Variants in C11orf21 observed in about 807,000 individuals in gnomAD.
The protein encoded by C11orf21 is uncharacterized protein C11orf21.
A neutral mutation model predicts 15.2 loss-of-function variants in C11orf21; 19 were observed. The ratio of observed to expected loss-of-function variants is 1.25; its 90% CI spans 0.87 to 1.84. The LOEUF (loss-of-function observed/expected upper bound fraction) is 1.84, where lower values mean the gene tolerates loss of function less well. Ranked by LOEUF, C11orf21 falls within the 40% of genes most tolerant of loss-of-function variation. The pLI, the probability that C11orf21 is intolerant of heterozygous loss-of-function variation, is 0.00. For missense variants in C11orf21, 171 were observed against 174.4 expected (o/e 0.98, Z 0.11); for synonymous variants, 62 against 66.8 (o/e 0.93, Z 0.35).
At chr11:2,302,346 G>T, upstream of C11orf21, 3 of 1,039,006 alleles carry the variant, frequency 2.9e-6, no homozygotes, top group Non-Finnish European at 3.9e-6. Context: ...TCCTGCCCTT[G>T]CAGACATGTG....
At chr11:2,302,583 G>A (rs1847819592), upstream of C11orf21, 15 of 559,974 alleles carry the variant, frequency 2.7e-5, no homozygotes, top group South Asian at 3.0e-4. Context: ...TAGACACAAT[G>A]ATCAGAGGTC....
upstream of C11orf21, chr11:2,302,029 A>T: frequency 6.7e-7 from 1 of 1,493,190 alleles, no homozygotes; most frequent in Non-Finnish European, 8.9e-7. Context: ...ATGTTGACAG[A>T]CAGACAGAGG....
upstream of C11orf21, chr11:2,302,112 G>A (rs1370266506): frequency 3.4e-6 from 5 of 1,485,208 alleles, no homozygotes; most frequent in Admixed American, 2.5e-5. Context: ...CCACAGGGAG[G>A]GGAAGGGAGG....
upstream of C11orf21, chr11:2,302,874 ACT>A: frequency 1.9e-6 from 3 of 1,613,066 alleles, no homozygotes; most frequent in African/African-American, 1.3e-5. Flanking sequence ...CACCATGGTG[ACT>A]CTTACCTACT....
chr11:2,302,271 G>A, upstream of C11orf21: 3 of 1,339,302 alleles, frequency 2.2e-6, no homozygotes, highest in Non-Finnish European at 2.9e-6. Flanking sequence ...AGGGGTGAGG[G>A]GTGGCAGGGC....
rs958062976 is a variant in C11orf21 at position 2,296,291 on chromosome 11, G to T, written c.*1659C>A. 1.3e-5 allele frequency: 2 copies of T among 152,200 alleles called. No individual in the cohort carries two copies. The highest frequency in any genetic ancestry group is 4.8e-5 in the African/African-American group (2 of 41,432). The allele number at this position is 152,200 out of a possible 1,614,324, so 9.4% of individuals were successfully genotyped here. ...CCCACCCTCAGGTCAGGGAACAAAT[G>T]TGGGGGCTCTGCTGGCTGCCACATA... On this transcript the variant is annotated 3_prime_UTR_variant, in exon 4 of 4. Coordinates refer to ENST00000381153, the MANE Select transcript of C11orf21 (RefSeq NM_001329958.2). The surrounding 1 kb of genome is among the most constrained non-coding windows in gnomAD (Gnocchi z 5.6).
chr11:2,300,566 G>A lies in C11orf21; in HGVS notation c.101C>T (p.Pro34Leu), dbSNP rs1847691354. Residue 34 changes from proline to leucine, a missense_variant, in exon 2 of 4, where the codon CCC becomes CTC. Coordinates refer to ENST00000381153, the MANE Select transcript of C11orf21 (RefSeq NM_001329958.2). Reference sequence around the variant, plus strand: ...GGGGGTTCCCGTCCACCTGTCAGGGGGTTCGACGCCACTTTGAGATGACAA... The same window carrying A: ...GGGGGTTCCCGTCCACCTGTCAGGGAGTTCGACGCCACTTTGAGATGACAA... ...PHLSSQSGVE[P>L]PDRWTGTPGW... 6.5e-7 allele frequency: 1 copy of A among 1,549,936 alleles called. No homozygotes were observed. Among genetic ancestry groups the A allele is most frequent in the Non-Finnish European group, 8.7e-7 (1 of 1,146,662 alleles).
At chr11:2,300,684 C>G in intron 1 of C11orf21, 71 bp from the exon 2 acceptor site, 1 of 1,550,060 alleles carries the variant, frequency 6.5e-7, no homozygotes, top group East Asian at 2.4e-5. Context: ...TTCTTCAGAC[C>G]TGATGAAGAG....
intron 3 of C11orf21, 70 bp downstream of exon 3, chr11:2,299,358 G>A (rs962417193): frequency 2.8e-5 from 41 of 1,455,358 alleles, no homozygotes; most frequent in Middle Eastern, 2.1e-4. Context: ...GTGCCTCCCC[G>A]GTGGGAGGGG....
rs945780083 is a variant in C11orf21 at position 2,299,400 on chromosome 11, G to A, written c.*28+28C>T. ...TCACAGACAGCACAGGGGCCCCCAG[G>A]CTCCAGCCTCAGAGCCCGGCTGCTC... On this transcript the variant is annotated intron_variant, in intron 3 of 3. Transcript: ENST00000381153. 10 of 1,538,996 alleles carry A rather than the reference G, an allele frequency of 6.5e-6. No homozygotes were observed. The African/African-American group carries it at 9.6e-5, about 15-fold the overall frequency.
At chr11:2,300,789 GC>G (rs1287466638) in intron 1 of C11orf21, 176 bp from the exon 2 acceptor site, 1 of 1,549,554 alleles carries the variant, frequency 6.5e-7, no homozygotes. Flanking sequence ...ACCAGACATA[GC>G]CAAGAGCAGC....
chr11:2,302,300 C>T (rs933924786), upstream of C11orf21: 6 of 1,262,746 alleles, frequency 4.8e-6, no homozygotes, highest in African/African-American at 9.2e-5. Context: ...AGGGATTATC[C>T]CTCCCCTGAC....
chr11:2,296,829 G>C lies in C11orf21; in HGVS notation c.*1121C>G, dbSNP rs1223902518. 1 of 152,294 alleles carries C rather than the reference G, an allele frequency of 6.6e-6. No individual in the cohort carries two copies. The highest frequency in any genetic ancestry group is 2.4e-5 in the African/African-American group (1 of 41,450). 9.4% of individuals were successfully genotyped at this position (152,294 alleles called of 1,614,324 possible). A position where few individuals can be genotyped will look rare whatever the true frequency, so the allele number is the denominator to read the frequency against. ...GCTGTGCCCTGCCTCCTTAAAGACT[G>C]TGAGCGAGCTCCCAACTGGGACACC... On this transcript the variant is annotated 3_prime_UTR_variant, in exon 4 of 4. Coordinates refer to ENST00000381153, the MANE Select transcript of C11orf21 (RefSeq NM_001329958.2). The surrounding 1 kb of genome is among the most constrained non-coding windows in gnomAD (Gnocchi z 5.6).
chr11:2,298,567 C>A (rs57739880), intron 3 of C11orf21, among the ~76,000 whole-genome samples: 1 of 151,866 alleles, frequency 6.6e-6, no homozygotes, highest in African/African-American at 2.4e-5. Context: ...TGCCCAGGCC[C>A]GGGGGGTCAC....
At chr11:2,302,439 T>C (rs1021971277), upstream of C11orf21, among the ~76,000 whole-genome samples, 1 of 152,050 alleles carries the variant, frequency 6.6e-6, no homozygotes, top group East Asian at 1.9e-4. Flanking sequence ...GCACAGAGCC[T>C]GGAGGAGGCC....
Position 2,300,501 on chromosome 11 carries a change from AGG to A in C11orf21, c.147+17_147+18del. 1 of 1,497,928 alleles carries A rather than the reference AGG, an allele frequency of 6.7e-7. No homozygotes were observed. The highest frequency in any genetic ancestry group is 1.2e-5 in the South Asian group (1 of 81,236). 92.8% of individuals were successfully genotyped at this position (1,497,928 alleles called of 1,614,324 possible). A position where few individuals can be genotyped will look rare whatever the true frequency, so the allele number is the denominator to read the frequency against. On this transcript the variant is annotated intron_variant, in intron 2 of 3. Transcript: ENST00000381153. ...CTGCCCCCGCTGGTGGGGCACAGTG[AGG>A]GGGGCTGTGGTCAGACCTGGTCTCT...
At chr11:2,299,780 A>G in intron 2 of C11orf21, 73 bp from the exon 3 acceptor site, 2 of 1,533,252 alleles carry the variant, frequency 1.3e-6, no homozygotes, top group Admixed American at 2.0e-5. Flanking sequence ...GAGAGAGGAA[A>G]AAGGAAGTCC....
intron 1 of C11orf21, chr11:2,300,843 G>T: frequency 7.2e-7 from 1 of 1,397,102 alleles, no homozygotes; most frequent in South Asian, 1.2e-5. Flanking sequence ...TGCACAGCCC[G>T]GGGGCCTCCT....
At position 2,299,696 on chromosome 11, in the gene C11orf21, GC is replaced by G; in HGVS notation, c.158del (p.Gly53AlafsTer3). ...GWPSRDQEAPGSMMPPAAAQP... is the reference protein window; with the variant it reads ...GWPSRDQEAPXSMMPPAAAQP... ...GGGCAGCTGCAGGTGGCATCATTGAGCCAGGGGCCTCCTGGTGGGTAAGGAC... is the reference window on the plus strand; with the variant it reads ...GGGCAGCTGCAGGTGGCATCATTGAGCAGGGGCCTCCTGGTGGGTAAGGAC... On this transcript the variant is annotated frameshift_variant, in exon 3 of 4. Coordinates refer to ENST00000381153, the MANE Select transcript of C11orf21 (RefSeq NM_001329958.2). LOFTEE classifies it high-confidence loss of function. 1 of 1,551,056 alleles carries G rather than the reference GC, an allele frequency of 6.4e-7. No homozygotes were observed. Among genetic ancestry groups the G allele is most frequent in the Non-Finnish European group, 8.7e-7 (1 of 1,146,890 alleles).
Sources: gnomAD v4.1 joint callset for allele counts (sites outside exome capture counted in the v4.1 genomes callset) on GRCh38, gnomAD v4.1.1 for gene constraint, Gnocchi (gnomAD v3.1) non-coding constraint, MANE v1.5 for transcripts, NCBI Gene and HGNC (gene_info 2026-07-23, HGNC 2026-07-21) for gene names.